ARHGAP26: variants seen among roughly 807,000 people sequenced by gnomAD.
ARHGAP26 encodes the protein Rho GTPase activating protein 26.
A neutral mutation model predicts 104.8 loss-of-function variants in ARHGAP26; 38 were observed. The ratio of observed to expected loss-of-function variants is 0.36; its 90% CI spans 0.28 to 0.48. The LOEUF (loss-of-function observed/expected upper bound fraction) is 0.48. ARHGAP26 is among the 20% of genes least tolerant of loss of function. ARHGAP26 has a pLI of 0.99. For synonymous variants in ARHGAP26, 341 were observed against 340.0 expected (o/e 1.00, Z -0.03); for missense variants, 704 against 947.9 (o/e 0.74, Z 3.38).
At chr5:143,041,771 G>T in intron 13 of ARHGAP26, 45 bp from the exon 14 acceptor site, 4 of 1,352,496 alleles carry the variant, frequency 3.0e-6, no homozygotes, top group Non-Finnish European at 4.2e-6. Flanking sequence ...CCTGACTTGT[G>T]TTCTGACGTG....
intron 22 of ARHGAP26, among the ~76,000 whole-genome samples, chr5:143,218,642 C>A (rs2151424844): frequency 6.6e-6 from 1 of 152,322 alleles, no homozygotes; most frequent in Non-Finnish European, 1.5e-5. Flanking sequence ...GAAGCTCACC[C>A]ATGTCCCCAG....
At chr5:142,977,557 CG>C (rs1773301954) in intron 11 of ARHGAP26, among the ~76,000 whole-genome samples, 1 of 152,142 alleles carries the variant, frequency 6.6e-6, no homozygotes, top group Non-Finnish European at 1.5e-5. Flanking sequence ...CTGCTGGATA[CG>C]GATCTTTGGA....
chr5:143,227,426 G>T lies in ARHGAP26; in HGVS notation c.*4980G>T. On this transcript the variant is annotated 3_prime_UTR_variant, in exon 23 of 23. Transcript: ENST00000645722. ...ATGTCTTCTCACCCACCCTGTGCTG[G>T]TGTCTAACAAATTTATCTTGTCATG... 1 of 231,296 alleles carries T rather than the reference G, an allele frequency of 4.3e-6. No homozygotes were observed. The highest frequency in any genetic ancestry group is 8.6e-6 in the Non-Finnish European group (1 of 116,870). 14.3% of individuals were successfully genotyped at this position (231,296 alleles called of 1,614,324 possible).
At position 143,185,739 on chromosome 5, in the gene ARHGAP26, G is replaced by A. The variant is rs530669822; in HGVS notation, c.1989-21459G>A. ...CTCTTGATGTATGTTAACTCCTGCA[G>A]TCCACACAAACACCCTTTAGGGTAA... On this transcript the variant is annotated intron_variant, in intron 20 of 22. Coordinates refer to ENST00000645722, the MANE Select transcript of ARHGAP26 (RefSeq NM_001135608.3). Among the ~76,000 whole-genome samples, 11 of 152,296 alleles carry A rather than the reference G, an allele frequency of 7.2e-5. No homozygotes were observed. In the South Asian group the frequency reaches 2.3e-3, roughly 32 times the overall value.
intron 20 of ARHGAP26, among the ~76,000 whole-genome samples, chr5:143,186,520 C>T (rs1805162533): frequency 6.6e-6 from 1 of 152,226 alleles, no homozygotes; most frequent in Non-Finnish European, 1.5e-5. Context: ...TCTTTGATAA[C>T]ACCAGCTTTT....
At chr5:143,172,491 A>G (rs1802915889) in intron 20 of ARHGAP26, among the ~76,000 whole-genome samples, 2 of 152,364 alleles carry the variant, frequency 1.3e-5, no homozygotes, top group South Asian at 4.1e-4. Flanking sequence ...CAGTTCATCA[A>G]GAGCTACAAG....
chr5:142,829,796 C>A (rs1768031987), intron 1 of ARHGAP26, among the ~76,000 whole-genome samples: 1 of 152,152 alleles, frequency 6.6e-6, no homozygotes, highest in Non-Finnish European at 1.5e-5. Flanking sequence ...CCTTACTGTC[C>A]ACCATATTGG....
intron 20 of ARHGAP26, among the ~76,000 whole-genome samples, chr5:143,188,617 G>A (rs997640516): frequency 1.3e-5 from 2 of 152,194 alleles, no homozygotes; most frequent in Non-Finnish European, 2.9e-5. Context: ...ATGCTGTGGG[G>A]TTTTGGGGAT....
In ARHGAP26 at chr5:143,104,734, C is replaced by G. The variant is rs560806234; in HGVS notation, c.1539-16254C>G. On this transcript the variant is annotated intron_variant, in intron 17 of 22. Coordinates refer to ENST00000645722, the MANE Select transcript of ARHGAP26 (RefSeq NM_001135608.3). The stretch of plus-strand genomic sequence containing the variant: ...ACAGTGAAACACTGTGCCACCATAA[C>G]AATGTTGAGTGAGACAATGAATGGT... Among the ~76,000 whole-genome samples the G allele has an allele frequency of 1.1e-4, 16 of 152,178 alleles. No individual in the cohort carries two copies. The South Asian group carries it at 3.1e-3, about 30-fold the overall frequency.
intron 11 of ARHGAP26, among the ~76,000 whole-genome samples, chr5:143,012,905 G>A (rs1779097604): frequency 1.3e-5 from 2 of 151,604 alleles, no homozygotes; most frequent in African/African-American, 4.8e-5. Context: ...CCACCCGCCT[G>A]GGCCTCCCAA....
chr5:142,991,588 A>G (rs1196822549), intron 11 of ARHGAP26, among the ~76,000 whole-genome samples: 2 of 152,102 alleles, frequency 1.3e-5, no homozygotes, highest in Non-Finnish European at 2.9e-5. Context: ...GCCATCTTGG[A>G]ACCTCCCCCA....
At chr5:143,169,089 A>G (rs1182344450) in intron 20 of ARHGAP26, 2 of 152,214 alleles carry the variant, frequency 1.3e-5, no homozygotes, top group Non-Finnish European at 2.9e-5. Context: ...CAATGTTTGC[A>G]TTTCTCTCAA....
chr5:143,179,820 G>T (rs992922679), intron 20 of ARHGAP26, among the ~76,000 whole-genome samples: 9 of 152,006 alleles, frequency 5.9e-5, no homozygotes, highest in African/African-American at 2.2e-4. Flanking sequence ...CTAAATATAG[G>T]AATGCCTCAT....
At chr5:142,964,000 G>C (rs541364958) in intron 11 of ARHGAP26, among the ~76,000 whole-genome samples, 35 of 152,268 alleles carry the variant, frequency 2.3e-4, no homozygotes, top group Middle Eastern at 3.4e-3. Flanking sequence ...TGGACATAAG[G>C]ATCAATGGGA....
intron 1 of ARHGAP26, among the ~76,000 whole-genome samples, chr5:142,801,270 A>G (rs946938224): frequency 6.6e-6 from 1 of 152,192 alleles, no homozygotes; most frequent in Non-Finnish European, 1.5e-5. Flanking sequence ...TGAAGTTCAC[A>G]TCTGTGCTAT....
intron 1 of ARHGAP26, among the ~76,000 whole-genome samples, chr5:142,859,298 G>T (rs1421379406): frequency 6.6e-6 from 1 of 152,154 alleles, no homozygotes; most frequent in African/African-American, 2.4e-5. Flanking sequence ...GCTAATTGAG[G>T]TTGTAAAGCA....
intron 1 of ARHGAP26, among the ~76,000 whole-genome samples, chr5:142,831,140 T>A (rs1768340575): frequency 6.6e-6 from 1 of 152,208 alleles, no homozygotes; most frequent in South Asian, 2.1e-4. Flanking sequence ...CTTTCTGTGG[T>A]TCCCTGATTT....
At chr5:142,931,247 A>G (rs1338497616) in intron 10 of ARHGAP26, among the ~76,000 whole-genome samples, 1 of 152,234 alleles carries the variant, frequency 6.6e-6, no homozygotes, top group Non-Finnish European at 1.5e-5. Flanking sequence ...TTTTCACCCT[A>G]AATGAAGAAC....
intron 11 of ARHGAP26, among the ~76,000 whole-genome samples, chr5:142,954,093 C>T (rs147669646): frequency 2.0e-4 from 30 of 152,324 alleles, no homozygotes; most frequent in African/African-American, 5.8e-4. Flanking sequence ...AAATATTATG[C>T]GTTCTAACCC....
Sources: allele counts gnomAD v4.1 joint callset (sites outside exome capture counted in the v4.1 genomes callset), GRCh38; gene constraint gnomAD v4.1.1; transcripts MANE v1.5; gene names NCBI Gene and HGNC (gene_info 2026-07-23, HGNC 2026-07-21).